Variants in ESRP1 observed in about 807,000 individuals in gnomAD.
ESRP1 encodes the protein RNA-binding motif protein 35A.
In ESRP1, 33 loss-of-function variants were observed where a neutral mutation model predicts 81.7. The ratio of observed to expected loss-of-function variants is 0.40; its 90% CI spans 0.31 to 0.54. ESRP1 has a LOEUF of 0.54. ESRP1 is among the 20% of genes least tolerant of loss of function. The pLI is 0.41. For missense variants in ESRP1, 672 were observed against 833.1 expected, an observed-to-expected ratio of 0.81 and a Z score of 2.38; for synonymous variants, 320 against 303.3, an observed-to-expected ratio of 1.06 and a Z score of -0.57.
intron 15 of ESRP1, among the ~76,000 whole-genome samples, chr8:94,697,872 C>G (rs1809667072): frequency 6.6e-6 from 1 of 152,138 alleles, no homozygotes; most frequent in South Asian, 2.1e-4. Flanking sequence ...ACCTCTGCTC[C>G]TGGGTTCAGG....
chr8:94,641,791 C>T, intron 1 of ESRP1, 165 bp from the exon 2 acceptor site: 3 of 869,626 alleles, frequency 3.4e-6, no homozygotes, highest in South Asian at 2.8e-5. Flanking sequence ...GGGGGTGGGG[C>T]GGGGGGCAGG....
chr8:94,659,975 AG>A (rs1347437123), intron 4 of ESRP1, among the ~76,000 whole-genome samples: 2 of 152,238 alleles, frequency 1.3e-5, no homozygotes, highest in Non-Finnish European at 2.9e-5. Context: ...GCAGAAGAAA[AG>A]CTAGCAGAGA....
intron 13 of ESRP1, among the ~76,000 whole-genome samples, chr8:94,679,655 ATTTTT>A (rs745891866): frequency 6.7e-6 from 1 of 148,484 alleles, no homozygotes; most frequent in Non-Finnish European, 1.5e-5. Flanking sequence ...CTGTAGGTCA[ATTTTT>A]TTTTTTCTAC....
chr8:94,703,733 T>C (rs1287290721), intron 15 of ESRP1, among the ~76,000 whole-genome samples: 1 of 152,162 alleles, frequency 6.6e-6, no homozygotes, highest in Admixed American at 6.5e-5. Context: ...CTAGCAACAC[T>C]TGGCCTTCAC....
Position 94,641,342 on chromosome 8 carries a change from G to A in ESRP1, c.24G>A (p.Leu8=). 1 of 1,613,180 alleles carries A rather than the reference G, an allele frequency of 6.2e-7. No individual in the cohort carries two copies. The highest frequency in any genetic ancestry group is 8.5e-7 in the Non-Finnish European group (1 of 1,179,540). The change falls in exon 1 of 16, where the codon TTG becomes TTA. Residue 8 remains leucine (L), a synonymous_variant. Transcript: ENST00000433389. The part of the protein sequence containing the change: MTASPDY[L]VVLFGITAGA... ...TCATGACGGCCTCTCCGGATTACTT[G>A]GTGGTGCTTTTTGGGATCACTGCTG...
intron 15 of ESRP1, among the ~76,000 whole-genome samples, chr8:94,704,979 AACTT>A: frequency 6.6e-6 from 1 of 151,976 alleles, no homozygotes; most frequent in Non-Finnish European, 1.5e-5. Flanking sequence ...GCCCATTACT[AACTT>A]AATCATTCTG....
intron 4 of ESRP1, among the ~76,000 whole-genome samples, chr8:94,650,508 T>C (rs1221109156): frequency 6.6e-6 from 1 of 152,246 alleles, no homozygotes; most frequent in Non-Finnish European, 1.5e-5. Context: ...CCATGTCTTT[T>C]TGTGGCTTTA....
chr8:94,673,919 G>T (rs933140543), intron 11 of ESRP1, among the ~76,000 whole-genome samples: 3 of 152,124 alleles, frequency 2.0e-5, no homozygotes, highest in Admixed American at 6.5e-5. Flanking sequence ...CTCCAGTGCT[G>T]GTTCTGTTAC....
chr8:94,687,820 G>A (rs1809202577), intron 13 of ESRP1, among the ~76,000 whole-genome samples: 1 of 151,956 alleles, frequency 6.6e-6, no homozygotes, highest in Non-Finnish European at 1.5e-5. Flanking sequence ...GATCTTATAA[G>A]ACATCATTTA....
At chr8:94,661,440 G>A (rs1049227787) in intron 4 of ESRP1, among the ~76,000 whole-genome samples, 2 of 152,230 alleles carry the variant, frequency 1.3e-5, no homozygotes, top group Admixed American at 6.5e-5. Context: ...ATATGTAGTG[G>A]GAAACACAAA....
Position 94,642,100 on chromosome 8 carries a change from C to G in ESRP1, c.261+16C>G. The G allele has an allele frequency of 6.2e-7, 1 of 1,607,354 alleles. No homozygotes were observed. Among genetic ancestry groups the G allele is most frequent in the Non-Finnish European group, 8.5e-7 (1 of 1,179,138 alleles). The stretch of plus-strand genomic sequence containing the variant: ...CCTCCGACAGGTGACAACCCCGGGT[C>G]ACGCCACCCACCCCAGCCTGGGCCC... On this transcript the variant is annotated intron_variant, in intron 2 of 15. Coordinates refer to ENST00000433389, the MANE Select transcript of ESRP1 (RefSeq NM_017697.4).
chr8:94,706,030 T>A lies in ESRP1; in HGVS notation c.*141T>A. 1 of 1,362,372 alleles carries A rather than the reference T, an allele frequency of 7.3e-7. No individual in the cohort carries two copies. Among genetic ancestry groups the A allele is most frequent in the Non-Finnish European group, 1.0e-6 (1 of 1,004,168 alleles). The allele number at this position is 1,362,372 out of a possible 1,614,324, so 84.4% of individuals were successfully genotyped here. A position where few individuals can be genotyped will look rare whatever the true frequency, so the allele number is the denominator to read the frequency against. On this transcript the variant is annotated 3_prime_UTR_variant, in exon 16 of 16. Transcript: ENST00000433389. ...TCAGGCTGCAGTATTTTCAGCAAAC[T>A]TGATTGGACAAACGGGCCTGTGCCT...
At chr8:94,683,397 CTCT>C (rs1203372668) in intron 13 of ESRP1, among the ~76,000 whole-genome samples, 2 of 152,154 alleles carry the variant, frequency 1.3e-5, no homozygotes, top group Non-Finnish European at 2.9e-5. Context: ...TTTGAACTTG[CTCT>C]TCTTATTCCA....
intron 12 of ESRP1, among the ~76,000 whole-genome samples, 156 bp from the exon 13 acceptor site, chr8:94,678,047 C>T (rs1808712962): frequency 6.6e-6 from 1 of 152,216 alleles, no homozygotes; most frequent in African/African-American, 2.4e-5. Flanking sequence ...TATGCATTAA[C>T]TGTATAATCA....
chr8:94,651,616 A>AT (rs35922801), intron 4 of ESRP1, among the ~76,000 whole-genome samples: 25,396 of 150,446 alleles, frequency 0.17, 2,363 homozygotes, highest in African/African-American at 0.25. Flanking sequence ...GGGTTTAGGA[A>AT]TTTTTTTTTC....
chr8:94,675,611 T>C (rs1349502778), intron 12 of ESRP1, among the ~76,000 whole-genome samples: 1 of 152,220 alleles, frequency 6.6e-6, no homozygotes, highest in Non-Finnish European at 1.5e-5. Context: ...TAATCTCAGT[T>C]GTATGTCTTC....
chr8:94,661,657 A>C (rs60616285), intron 4 of ESRP1, among the ~76,000 whole-genome samples: 4,415 of 152,310 alleles, frequency 0.029, 180 homozygotes, highest in African/African-American at 0.096. Context: ...GTAAAGAAGC[A>C]CATTGGCCTG....
chr8:94,669,995 C>T (rs1438867625), intron 10 of ESRP1, among the ~76,000 whole-genome samples: 1 of 151,930 alleles, frequency 6.6e-6, no homozygotes, highest in East Asian at 1.9e-4. Flanking sequence ...AGAAAAAACT[C>T]GATGTGGTTG....
intron 9 of ESRP1, among the ~76,000 whole-genome samples, chr8:94,667,739 C>G (rs577112420): frequency 1.3e-4 from 20 of 152,250 alleles, no homozygotes; most frequent in African/African-American, 4.1e-4. Flanking sequence ...GTCTTGCCAG[C>G]TTCCTAAATT....
Sources: gnomAD v4.1 joint callset for allele counts (sites outside exome capture counted in the v4.1 genomes callset) on GRCh38, gnomAD v4.1.1 for gene constraint, MANE v1.5 for transcripts, NCBI Gene and HGNC (gene_info 2026-07-23, HGNC 2026-07-21) for gene names.